ZC3H18: variants seen among roughly 807,000 people sequenced by gnomAD.
ZC3H18 encodes zinc finger CCCH-type containing 18.
A neutral mutation model predicts 106.1 loss-of-function variants in ZC3H18; 8 were observed. The observed-to-expected ratio is 0.08, with a 90% CI of 0.04 to 0.14. The LOEUF (loss-of-function observed/expected upper bound fraction) is 0.14, where lower values mean the gene tolerates loss of function less well. Ranked by LOEUF, ZC3H18 falls within the 10% of genes least tolerant of loss-of-function variation. The probability of loss-of-function intolerance (pLI) is 1.00; values close to 1 mark genes in which losing one functional copy is unlikely to be tolerated. For missense variants in ZC3H18, 1,318 were observed against 1,278.4 expected (o/e 1.03, Z -0.47); for synonymous variants, 635 against 522.1 (o/e 1.22, Z -2.95).
intron 10 of ZC3H18, chr16:88,623,614 G>A (rs1597358245): frequency 5.1e-6 from 3 of 583,128 alleles, no homozygotes; most frequent in South Asian, 4.3e-5. Context: ...CAGACAGGCC[G>A]AGGAAGGGGC....
chr16:88,609,206 G>A (rs936019986), intron 7 of ZC3H18, 155 bp downstream of exon 7: 5 of 483,134 alleles, frequency 1.0e-5, no homozygotes, highest in African/African-American at 4.0e-5. Context: ...TACGGAGAAC[G>A]AATTCAGAGG....
chr16:88,621,377 A>T (rs936336336), intron 8 of ZC3H18, among the ~76,000 whole-genome samples: 6 of 152,104 alleles, frequency 3.9e-5, no homozygotes, highest in African/African-American at 1.4e-4. Flanking sequence ...GGCGCCTGCC[A>T]CCACGCCTGG....
In ZC3H18 at chr16:88,611,335, G is replaced by A. The variant is rs747168656; in HGVS notation, c.1274G>A (p.Arg425Gln). 4 of 783,496 alleles carry A rather than the reference G, an allele frequency of 5.1e-6. No individual in the cohort carries two copies. In the African/African-American group the frequency reaches 5.2e-5, roughly 10 times the overall value. The allele number at this position is 783,496 out of a possible 1,614,324, so 48.5% of individuals were successfully genotyped here. A position where few individuals can be genotyped will look rare whatever the true frequency, so the allele number is the denominator to read the frequency against. ...CGCGAGCGGGAGCGGGAGCGGGACC[G>A]AGAGCGGGAGCGCCGGCAGAGGGAG... ...RERERERERD[R>Q]ERERRQRERE... is the part of the protein sequence containing the mutation. The change falls in exon 8 of 18, where the codon CGA becomes CAA. Residue 425 changes from arginine to glutamine, a missense_variant. Arg to Gln is a conservative substitution (Grantham distance 43, BLOSUM62 1). Transcript: ENST00000301011.
intron 13 of ZC3H18, chr16:88,625,949 A>C (rs542272107): frequency 1.4e-5 from 2 of 147,138 alleles, no homozygotes; most frequent in Non-Finnish European, 3.0e-5. Context: ...CAGCCCCCTG[A>C]GTAGCTGAGA....
intron 16 of ZC3H18, 93 bp downstream of exon 16, chr16:88,628,947 T>G: frequency 7.8e-7 from 1 of 1,282,046 alleles, no homozygotes; most frequent in Non-Finnish European, 1.1e-6. Flanking sequence ...TCTTAACAAG[T>G]AGGAGGAGGG....
rs1484411067 is a variant in ZC3H18 at position 88,599,867 on chromosome 16, A to C, written c.1007A>C (p.Glu336Ala). ...AAAAGGTTTACGGTGACCATTGGCGAAGACGAACGGGAATTTGACAAAGAA... is the reference window on the plus strand; with the variant it reads ...AAAAGGTTTACGGTGACCATTGGCGCAGACGAACGGGAATTTGACAAAGAA... ...EEKRFTVTIGEDEREFDKENE... is the reference protein window; with the variant it reads ...EEKRFTVTIGADEREFDKENE... The change falls in exon 6 of 18, where the codon GAA (glutamate) becomes GCA (alanine). Residue 336 changes from glutamate (E) to alanine (A), a missense_variant. By Grantham distance (107) the Glu-to-Ala change is moderately radical. This residue lies in a region of ZC3H18 where 848 missense variants were observed against 821.7 expected (regional missense o/e 1.03). Coordinates refer to ENST00000301011, the MANE Select transcript of ZC3H18 (RefSeq NM_144604.4). 2 of 1,614,122 alleles carry C rather than the reference A, an allele frequency of 1.2e-6. No individual in the cohort carries two copies. The highest frequency in any genetic ancestry group is 1.7e-6 in the Non-Finnish European group (2 of 1,180,054).
At chr16:88,624,183 G>T (rs1284360824) in intron 11 of ZC3H18, 121 bp downstream of exon 11, 4 of 1,394,188 alleles carry the variant, frequency 2.9e-6, no homozygotes, top group African/African-American at 1.4e-5. Context: ...GCCTCAGGGG[G>T]CTGGCCCCAG....
chr16:88,588,506 T>G (rs985211409), intron 3 of ZC3H18, among the ~76,000 whole-genome samples: 1 of 152,200 alleles, frequency 6.6e-6, no homozygotes, highest in Admixed American at 6.5e-5. Flanking sequence ...GAACTCTTCA[T>G]TCCCTTCATT....
intron 2 of ZC3H18, among the ~76,000 whole-genome samples, chr16:88,583,841 C>A (rs1185172816): frequency 6.6e-6 from 1 of 152,076 alleles, no homozygotes; most frequent in Non-Finnish European, 1.5e-5. Flanking sequence ...GCTAGCTGGT[C>A]CACTCAGGCC....
chr16:88,583,108 C>T (rs1915231347), intron 2 of ZC3H18, among the ~76,000 whole-genome samples: 1 of 152,244 alleles, frequency 6.6e-6, no homozygotes, highest in African/African-American at 2.4e-5. Context: ...GCTCGGCTTC[C>T]TCTGGCACAG....
At chr16:88,588,076 AAG>A (rs1225165974) in intron 3 of ZC3H18, among the ~76,000 whole-genome samples, 1 of 152,216 alleles carries the variant, frequency 6.6e-6, no homozygotes, top group Non-Finnish European at 1.5e-5. Flanking sequence ...AGACACACCT[AAG>A]AATGCAGAGA....
intron 2 of ZC3H18, among the ~76,000 whole-genome samples, chr16:88,580,014 T>C (rs1479980512): frequency 2.0e-5 from 3 of 152,164 alleles, no homozygotes; most frequent in Admixed American, 2.0e-4. Context: ...CCTGGGTTGC[T>C]TGCCCCAGGA....
At chr16:88,622,828 A>G (rs1260568377) in intron 9 of ZC3H18, 2 of 304,932 alleles carry the variant, frequency 6.6e-6, no homozygotes, top group Non-Finnish European at 1.2e-5. Flanking sequence ...GCCGGGGTAG[A>G]CCCCATCATG....
intron 2 of ZC3H18, among the ~76,000 whole-genome samples, chr16:88,581,480 G>C (rs1915125323): frequency 6.6e-6 from 1 of 152,140 alleles, no homozygotes; most frequent in Non-Finnish European, 1.5e-5. Context: ...TCTGTGTTTG[G>C]TATGCTGCCA....
At chr16:88,573,330 T>C (rs1297128299) in intron 1 of ZC3H18, among the ~76,000 whole-genome samples, 1 of 152,014 alleles carries the variant, frequency 6.6e-6, no homozygotes, top group Non-Finnish European at 1.5e-5. Flanking sequence ...GTATAGGGTG[T>C]TACTAATGTC....
chr16:88,628,740 G>A lies in ZC3H18; in HGVS notation c.2470-18G>A, dbSNP rs1341745057. ...GCTCCTGGCCCTGCTGTCCTCACTG[G>A]CCTCTCTCTTGTCCCAGGCGGCTGA... On this transcript the variant is annotated intron_variant, in intron 15 of 17. Transcript: ENST00000301011. 9.9e-6 allele frequency: 16 copies of A among 1,613,528 alleles called. No individual in the cohort carries two copies. Among genetic ancestry groups the A allele is most frequent in the Admixed American group, 1.7e-5 (1 of 59,990 alleles).
chr16:88,593,160 T>C (rs1225187068), intron 3 of ZC3H18, among the ~76,000 whole-genome samples: 1 of 152,174 alleles, frequency 6.6e-6, no homozygotes, highest in East Asian at 1.9e-4. Context: ...GGATGAAATA[T>C]GCTCGCATGA....
Position 88,623,963 on chromosome 16 carries a change from G to C in ZC3H18, c.1799G>C (p.Arg600Pro). The C allele has an allele frequency of 6.2e-7, 1 of 1,611,614 alleles. No individual in the cohort carries two copies. Among genetic ancestry groups the C allele is most frequent in the Non-Finnish European group, 8.5e-7 (1 of 1,178,384 alleles). The part of the protein sequence containing the change: ...SSFSGSRSRS[R>P]SFSSSPSPSP... ...ACCTTTGTTCACTCCCCTAGGTCCC[G>C]GTCCTTCTCTTCGTCCCCGTCCCCG... The change falls in exon 11 of 18, where the codon CGG (arginine) becomes CCG (proline). Residue 600 changes from arginine (R) to proline (P), a missense_variant. Physicochemically the swap from Arg to Pro is moderately radical, Grantham distance 103. Around this residue, in one of 6 missense-constraint regions of ZC3H18, gnomAD observed 848 missense variants for 821.7 expected, o/e 1.03. Coordinates refer to ENST00000301011, the MANE Select transcript of ZC3H18 (RefSeq NM_144604.4).
chr16:88,597,030 C>A (rs919262845), intron 3 of ZC3H18, among the ~76,000 whole-genome samples: 1 of 152,194 alleles, frequency 6.6e-6, no homozygotes, highest in Admixed American at 6.5e-5. Context: ...ACGCCATTCT[C>A]CTGCTTCAGC....
Sources: allele counts gnomAD v4.1 joint callset (sites outside exome capture counted in the v4.1 genomes callset), GRCh38; gene constraint gnomAD v4.1.1; regional missense constraint gnomAD v4.1.1; transcripts MANE v1.5; gene names NCBI Gene and HGNC (gene_info 2026-07-23, HGNC 2026-07-21).